Variants in DLGAP1 observed in about 807,000 individuals in gnomAD.
DLGAP1 encodes the protein DLG associated protein 1, also known as disks large-associated protein 1.
DLGAP1 carries 11 observed loss-of-function variants against 90.8 expected under a neutral mutation model. That is an observed-to-expected ratio of 0.12 (90% CI 0.08 to 0.20). The LOEUF is 0.20. Among genes scored for constraint, DLGAP1 ranks in the 10% least tolerant of loss-of-function variants. DLGAP1 has a pLI of 1.00. For synonymous variants in DLGAP1, 558 were observed against 540.7 expected (o/e 1.03, Z -0.44); for missense variants, 1,050 against 1,333.8 (o/e 0.79, Z 3.31).
chr18:4,056,125 AG>A (rs1250374709), intron 2 of DLGAP1, among the ~76,000 whole-genome samples: 1 of 152,108 alleles, frequency 6.6e-6, no homozygotes, highest in Non-Finnish European at 1.5e-5. Flanking sequence ...GAGGTGAGAG[AG>A]GCAGGTTATC....
chr18:4,030,337 T>C (rs2074775417), intron 2 of DLGAP1, among the ~76,000 whole-genome samples: 1 of 152,210 alleles, frequency 6.6e-6, no homozygotes, highest in Non-Finnish European at 1.5e-5. Context: ...AAATACTTGT[T>C]AAGAAAATCA....
intron 9 of DLGAP1, among the ~76,000 whole-genome samples, chr18:3,538,693 C>T (rs919014391): frequency 1.2e-4 from 18 of 152,230 alleles, no homozygotes; most frequent in African/African-American, 2.7e-4. Context: ...TTAGCCTCCA[C>T]GCTCCAAGAT....
chr18:3,551,798 A>C (rs1283836130), intron 9 of DLGAP1, among the ~76,000 whole-genome samples: 2 of 136,296 alleles, frequency 1.5e-5, no homozygotes, highest in Non-Finnish European at 3.1e-5. Context: ...CTTTCTTTTG[A>C]GACAGGGTCT....
chr18:4,212,630 CAA>C (rs3041113), intron 1 of DLGAP1, among the ~76,000 whole-genome samples: 17,641 of 121,726 alleles, frequency 0.14, 1,109 homozygotes, highest in African/African-American at 0.21. Flanking sequence ...GACTCCATCT[CAA>C]AAAAAAAAAA....
chr18:3,656,815 C>G (rs7243728), intron 7 of DLGAP1, among the ~76,000 whole-genome samples: 1 of 151,590 alleles, frequency 6.6e-6, no homozygotes, highest in Non-Finnish European at 1.5e-5. Context: ...TCTTGGATCT[C>G]GGCTCACTGC....
chr18:3,804,783 G>A (rs2066490534), intron 5 of DLGAP1, among the ~76,000 whole-genome samples: 1 of 152,222 alleles, frequency 6.6e-6, no homozygotes, highest in Non-Finnish European at 1.5e-5. Flanking sequence ...CATCCCCTCT[G>A]GGATGACGAC....
At chr18:3,759,691 A>C (rs895833273) in intron 5 of DLGAP1, among the ~76,000 whole-genome samples, 1 of 152,364 alleles carries the variant, frequency 6.6e-6, no homozygotes, top group Middle Eastern at 3.4e-3. Flanking sequence ...TAAGATGAAC[A>C]TGCAGAACTG....
At chr18:3,874,501 C>G (rs953293881) in intron 4 of DLGAP1, 1 of 1,444,322 alleles carries the variant, frequency 6.9e-7, no homozygotes, top group Non-Finnish European at 9.0e-7. Flanking sequence ...GAGGCATAAA[C>G]AGAACCAAGA....
chr18:3,829,597 C>A (rs1258759642), intron 4 of DLGAP1, among the ~76,000 whole-genome samples: 2 of 152,104 alleles, frequency 1.3e-5, no homozygotes, highest in Non-Finnish European at 1.5e-5. Flanking sequence ...AGTAGCAAGT[C>A]TGAAATCCAC....
intron 1 of DLGAP1, among the ~76,000 whole-genome samples, chr18:4,286,211 GAGGAGAGATGGGCCAAATTA>G (rs1568491218): frequency 6.6e-6 from 1 of 152,140 alleles, no homozygotes; most frequent in Admixed American, 6.6e-5. Context: ...TTATATGGTA[GAGGAGAGATGGGCCAAATTA>G]AGCAGCAGGT....
intron 1 of DLGAP1, among the ~76,000 whole-genome samples, chr18:4,239,380 GA>G (rs146982903): frequency 0.018 from 2,784 of 152,194 alleles, 34 homozygotes; most frequent in Non-Finnish European, 0.027. Flanking sequence ...AGGAACTGAA[GA>G]AAGAAGAAAA....
chr18:4,391,732 C>A lies in DLGAP1; in HGVS notation c.-267+63274G>T, dbSNP rs961749383. Among the ~76,000 whole-genome samples the A allele has an allele frequency of 7.2e-5, 11 of 152,184 alleles. No homozygotes were observed. The East Asian group carries it at 2.1e-3, about 29-fold the overall frequency. Reference sequence around the variant, plus strand: ...GCCTCTTGGTCAGACAGATCTACACCCTTTGTTAAGGTATGCTCCCAGAAA... The same window carrying A: ...GCCTCTTGGTCAGACAGATCTACACACTTTGTTAAGGTATGCTCCCAGAAA... On this transcript the variant is annotated intron_variant, in intron 1 of 12. Coordinates refer to ENST00000315677, the MANE Select transcript of DLGAP1 (RefSeq NM_004746.4).
rs1228720514 is a variant in DLGAP1 at position 3,542,361 on chromosome 18, A to C, written c.2058-7746T>G. 2.0e-5 allele frequency among the ~76,000 whole-genome samples: 3 copies of C among 152,196 alleles called. No individual in the cohort carries two copies. In the East Asian group the frequency reaches 5.8e-4, roughly 29 times the overall value. ...TTCACCTGTTTATTAAAAATTGATA[A>C]GGCTGGAGAGTTGATGAGGCAGAAA... On this transcript the variant is annotated intron_variant, in intron 9 of 12. Transcript: ENST00000315677.
At chr18:3,959,535 C>T (rs146948283) in intron 3 of DLGAP1, among the ~76,000 whole-genome samples, 2 of 152,074 alleles carry the variant, frequency 1.3e-5, no homozygotes, top group African/African-American at 2.4e-5. Flanking sequence ...GACGTGGTGT[C>T]GCGTGTCTGT....
At chr18:3,609,332 C>A (rs948428215) in intron 7 of DLGAP1, among the ~76,000 whole-genome samples, 1 of 152,208 alleles carries the variant, frequency 6.6e-6, no homozygotes, top group Non-Finnish European at 1.5e-5. Context: ...GAGGTGTGAT[C>A]CACCTCACCC....
At chr18:3,975,582 G>GA (rs1658439787) in intron 3 of DLGAP1, among the ~76,000 whole-genome samples, 1 of 152,098 alleles carries the variant, frequency 6.6e-6, no homozygotes, top group Non-Finnish European at 1.5e-5. Flanking sequence ...GGTATATACT[G>GA]CAAAAAATAG....
At chr18:3,760,305 T>C (rs1294716428) in intron 5 of DLGAP1, among the ~76,000 whole-genome samples, 2 of 152,068 alleles carry the variant, frequency 1.3e-5, no homozygotes, top group South Asian at 2.1e-4. Context: ...ACAGGGCCAA[T>C]CCAAGAGGAA....
In DLGAP1 at chr18:4,428,991, C is replaced by T. The variant is rs555566847; in HGVS notation, c.-267+26015G>A. ...CCACGTCACTAGTGTCAGGAAATGT[C>T]ATATAATTAGCACAGCCAGGGCATT... is the stretch of plus-strand genomic sequence containing the variant. On this transcript the variant is annotated intron_variant, in intron 1 of 12. Coordinates refer to ENST00000315677, the MANE Select transcript of DLGAP1 (RefSeq NM_004746.4). Among the ~76,000 whole-genome samples the T allele has an allele frequency of 1.1e-3, 165 of 152,270 alleles. 1 individual carries two copies. The highest frequency in any genetic ancestry group is 1.2e-3 in the South Asian group (6 of 4,830).
chr18:4,454,998 G>C lies in DLGAP1; in HGVS notation c.-267+8C>G, dbSNP rs1223401547. The C allele has an allele frequency of 1.3e-5, 2 of 151,118 alleles. No individual in the cohort carries two copies. The highest frequency in any genetic ancestry group is 4.8e-5 in the African/African-American group (2 of 41,264). 9.4% of individuals were successfully genotyped at this position (151,118 alleles called of 1,614,324 possible). A position where few individuals can be genotyped will look rare whatever the true frequency, so the allele number is the denominator to read the frequency against. ...ACGCCCCAGCCCCGCGGCGCAGCCC[G>C]GCGTTACCTGGCCGCGTCCCGCAGT... On this transcript the variant is annotated splice_region_variant and intron_variant, in intron 1 of 12. Coordinates refer to ENST00000315677, the MANE Select transcript of DLGAP1 (RefSeq NM_004746.4). The surrounding 1 kb of genome is among the most constrained non-coding windows in gnomAD (Gnocchi z 4.7).
Sources: allele counts gnomAD v4.1 joint callset (sites outside exome capture counted in the v4.1 genomes callset), GRCh38; gene constraint gnomAD v4.1.1; non-coding constraint Gnocchi (gnomAD v3.1); transcripts MANE v1.5; gene names NCBI Gene and HGNC (gene_info 2026-07-23, HGNC 2026-07-21).